ATOSA: variants seen among roughly 807,000 people sequenced by gnomAD.
ATOSA encodes atos homolog A.
the ATOSA span, among the ~76,000 whole-genome samples, chr15:52,588,041 T>G: frequency 6.6e-6 from 1 of 152,214 alleles, no homozygotes; most frequent in African/African-American, 2.4e-5. Flanking sequence ...ATTAGGGTCA[T>G]GTCACTAGAG....
chr15:52,662,595 C>A, the ATOSA span, among the ~76,000 whole-genome samples: 1 of 151,828 alleles, frequency 6.6e-6, no homozygotes, highest in African/African-American at 2.4e-5. Flanking sequence ...ACAGTGAAAC[C>A]CCGTCTCTAC....
the ATOSA span, chr15:52,677,903 C>T: frequency 7.0e-7 from 1 of 1,437,460 alleles, no homozygotes. Flanking sequence ...ACATATGATA[C>T]AGAAATAGTT....
the ATOSA span, among the ~76,000 whole-genome samples, chr15:52,634,537 T>G: frequency 6.6e-6 from 1 of 151,664 alleles, no homozygotes; most frequent in African/African-American, 2.4e-5. Flanking sequence ...GTTGTGAGAT[T>G]AGATTTTTTT....
At chr15:52,665,549 CT>C in the ATOSA span, among the ~76,000 whole-genome samples, 1,775 of 148,092 alleles carry the variant, frequency 0.012, 31 homozygotes, top group African/African-American at 0.042. Flanking sequence ...AAAATTGGCA[CT>C]TTTTTTTTTA....
At chr15:52,665,407 T>C in the ATOSA span, among the ~76,000 whole-genome samples, 1 of 152,238 alleles carries the variant, frequency 6.6e-6, no homozygotes, top group Non-Finnish European at 1.5e-5. Context: ...AGTCATTTTC[T>C]TTCAAGAATA....
the ATOSA span, among the ~76,000 whole-genome samples, chr15:52,653,480 G>A: frequency 1.3e-5 from 2 of 152,134 alleles, no homozygotes; most frequent in South Asian, 2.1e-4. Flanking sequence ...TAAGCCCCCT[G>A]AGAAATAACA....
At chr15:52,640,377 C>T in the ATOSA span, among the ~76,000 whole-genome samples, 2 of 151,492 alleles carry the variant, frequency 1.3e-5, no homozygotes, top group South Asian at 4.2e-4. Context: ...AACAGCCTGG[C>T]CAACATGGTG....
chr15:52,670,081 T>C, the ATOSA span, among the ~76,000 whole-genome samples: 2 of 152,348 alleles, frequency 1.3e-5, no homozygotes, highest in East Asian at 1.9e-4. Context: ...TCCCTCTCCA[T>C]TGCATTTGCA....
chr15:52,582,211 A>G, the ATOSA span: 1 of 1,602,178 alleles, frequency 6.2e-7, no homozygotes, highest in Non-Finnish European at 8.5e-7. Context: ...ATTTGAGTTC[A>G]TATGCAGCAC....
At chr15:52,662,133 A>G in the ATOSA span, among the ~76,000 whole-genome samples, 1 of 152,180 alleles carries the variant, frequency 6.6e-6, no homozygotes, top group Non-Finnish European at 1.5e-5. Flanking sequence ...CTCTACCACA[A>G]TATACTGAAC....
chr15:52,609,410 G>A, the ATOSA span: 1 of 1,613,858 alleles, frequency 6.2e-7, no homozygotes. Flanking sequence ...CGGGGGATAT[G>A]TGATGCTGTT....
At chr15:52,595,711 CAT>C in the ATOSA span, among the ~76,000 whole-genome samples, 13 of 152,268 alleles carry the variant, frequency 8.5e-5, no homozygotes, top group East Asian at 2.3e-3. Flanking sequence ...CACACACACA[CAT>C]ACATTCATTT....
the ATOSA span, among the ~76,000 whole-genome samples, chr15:52,658,966 CA>C: frequency 6.6e-6 from 1 of 151,910 alleles, no homozygotes; most frequent in Non-Finnish European, 1.5e-5. Context: ...GCCTGGGCAA[CA>C]GGGCAAGAAC....
At chr15:52,611,296 C>G in the ATOSA span, 6,914 of 1,599,132 alleles carry the variant, frequency 4.3e-3, 51 homozygotes, top group South Asian at 0.021. Context: ...TAGGCAAGTA[C>G]AAAATGACTG....
chr15:52,706,876 G>T, the ATOSA span, among the ~76,000 whole-genome samples: 1 of 152,162 alleles, frequency 6.6e-6, no homozygotes, highest in Non-Finnish European at 1.5e-5. Flanking sequence ...AAGTAGACTA[G>T]TGTTTCCCTA....
the ATOSA span, among the ~76,000 whole-genome samples, chr15:52,595,836 G>A: frequency 1.3e-5 from 2 of 152,188 alleles, no homozygotes; most frequent in Non-Finnish European, 2.9e-5. Context: ...TGGGCTAGGC[G>A]TGGTGGCTTA....
At chr15:52,634,653 G>A in the ATOSA span, among the ~76,000 whole-genome samples, 1 of 147,382 alleles carries the variant, frequency 6.8e-6, no homozygotes, top group African/African-American at 2.5e-5. Flanking sequence ...CCAGGCTGGA[G>A]TGCAGTGGCG....
chr15:52,691,571 A>G, the ATOSA span, among the ~76,000 whole-genome samples: 3 of 152,222 alleles, frequency 2.0e-5, no homozygotes, highest in African/African-American at 4.8e-5. Context: ...ATTGATCATC[A>G]TCTAAGAAAC....
chr15:52,601,234 C>T, the ATOSA span: 4 of 942,474 alleles, frequency 4.2e-6, no homozygotes, highest in African/African-American at 5.1e-5. Context: ...ATTGATAAAA[C>T]ACTTTTTAAA....
Sources: gnomAD v4.1 joint callset for allele counts (sites outside exome capture counted in the v4.1 genomes callset) on GRCh38, gnomAD v4.1.1 for gene constraint, MANE v1.5 for transcripts, NCBI Gene and HGNC (gene_info 2026-07-23, HGNC 2026-07-21) for gene names.